Variants in ADAM28 observed in about 807,000 individuals in gnomAD.
ADAM28 encodes the protein ADAM metallopeptidase domain 28.
In ADAM28, 105 loss-of-function variants were observed where a neutral mutation model predicts 101.2. The ratio of observed to expected loss-of-function variants is 1.04; its 90% CI spans 0.89 to 1.22. The LOEUF (loss-of-function observed/expected upper bound fraction) is 1.22. ADAM28 is among the 50% of genes most tolerant of loss of function. The probability of loss-of-function intolerance (pLI) is 0.00; values close to 1 mark genes in which losing one functional copy is unlikely to be tolerated. For missense variants in ADAM28, 1,028 were observed against 945.4 expected, an observed-to-expected ratio of 1.09 and a Z score of -1.15; for synonymous variants, 322 against 310.6, an observed-to-expected ratio of 1.04 and a Z score of -0.39.
chr8:24,309,790 C>G, intron 2 of ADAM28, 104 bp from the exon 3 acceptor site: 1 of 850,402 alleles, frequency 1.2e-6, no homozygotes, highest in Non-Finnish European at 1.9e-6. Context: ...TGGTATTATA[C>G]TGCTAAAAAA....
chr8:24,338,855 T>C (rs1394898813), intron 14 of ADAM28, among the ~76,000 whole-genome samples: 1 of 152,152 alleles, frequency 6.6e-6, no homozygotes, highest in Non-Finnish European at 1.5e-5. Context: ...TAAGAATGGC[T>C]AGTATTTGTC....
rs1252662635 is a variant in ADAM28, at chr8:24,311,410, C to T, written c.356C>T (p.Ala119Val). ...ATTCTTAATGAAAAGGTTTCTGACGCTAGCATCAGCACATGTAGGGGTCTA... is the reference window on the plus strand; with the variant it reads ...ATTCTTAATGAAAAGGTTTCTGACGTTAGCATCAGCACATGTAGGGGTCTA... ...GHILNEKVSDASISTCRGLRG... is the reference protein window; with the variant it reads ...GHILNEKVSDVSISTCRGLRG... Residue 119 changes from alanine to valine, a missense_variant, in exon 5 of 23, where the codon GCT (alanine) becomes GTT (valine). Transcript: ENST00000265769. 8 of 1,613,120 alleles carry T rather than the reference C, an allele frequency of 5.0e-6. No homozygotes were observed. In the South Asian group the frequency reaches 7.7e-5, roughly 16 times the overall value.
At chr8:24,353,401 G>A (rs1816399040) in intron 21 of ADAM28, among the ~76,000 whole-genome samples, 1 of 146,916 alleles carries the variant, frequency 6.8e-6, no homozygotes, top group African/African-American at 2.5e-5. Context: ...TTCTGCTGTG[G>A]GTAAATGAGA....
In ADAM28 at chr8:24,294,160, G is replaced by T. The variant is rs1009448084; in HGVS notation, c.11G>T (p.Gly4Val). Residue 4 changes from glycine (G) to valine (V), a missense_variant, in exon 1 of 23, where the codon GGT (glycine) becomes GTT (valine). By Grantham distance (109) the Gly-to-Val change is moderately radical (BLOSUM62 -3). Coordinates refer to ENST00000265769, the MANE Select transcript of ADAM28 (RefSeq NM_014265.6). ...CTGGAATCACCCAGCATGTTGCAAG[G>T]TCTCCTGCCAGTCAGTCTCCTCCTC... is the stretch of plus-strand genomic sequence containing the variant. Reference protein sequence around the residue: MLQGLLPVSLLLSV... With the variant: MLQVLLPVSLLLSV... 11 of 1,614,118 alleles carry T rather than the reference G, an allele frequency of 6.8e-6. 1 individual carries two copies. The highest frequency in any genetic ancestry group is 4.4e-5 in the South Asian group (4 of 91,078).
chr8:24,327,582 A>G (rs1262455224), intron 10 of ADAM28, among the ~76,000 whole-genome samples: 1 of 152,170 alleles, frequency 6.6e-6, no homozygotes, highest in African/African-American at 2.4e-5. Context: ...TAGCAAAGAC[A>G]ATCCTAAGAA....
At chr8:24,338,556 A>T (rs1000042342) in intron 14 of ADAM28, among the ~76,000 whole-genome samples, 4 of 150,452 alleles carry the variant, frequency 2.7e-5, no homozygotes, top group African/African-American at 9.8e-5. Context: ...AAACATGAAT[A>T]CATTTTACTA....
Position 24,309,968 on chromosome 8 carries a change from C to G in ADAM28, c.225C>G (p.Asn75Lys), listed in dbSNP as rs143894843. The G allele has an allele frequency of 6.5e-6, 10 of 1,548,746 alleles. No individual in the cohort carries two copies. Among genetic ancestry groups the G allele is most frequent in the Non-Finnish European group, 7.1e-6 (8 of 1,123,990 alleles). ...TTGCAGTGCTTTATTTGAAAAAAAA[C>G]AAGTAAGTATCTTTACCTGTGATAT... ...GKIAVLYLKK[N>K]KNLLAPGYTE... is the part of the protein sequence containing the mutation. The change falls in exon 3 of 23, where the codon AAC (asparagine) becomes AAG (lysine). Residue 75 changes from asparagine to lysine, a missense_variant and splice_region_variant. Physicochemically the swap from Asn to Lys is moderately conservative, Grantham distance 94. Coordinates refer to ENST00000265769, the MANE Select transcript of ADAM28 (RefSeq NM_014265.6).
At chr8:24,334,148 A>T (rs1052246768) in intron 13 of ADAM28, among the ~76,000 whole-genome samples, 13 of 152,302 alleles carry the variant, frequency 8.5e-5, no homozygotes, top group Non-Finnish European at 8.8e-5. Context: ...CCAGTTTCTT[A>T]CTATTTAGAG....
At chr8:24,333,119 T>C (rs1410165290) in intron 13 of ADAM28, among the ~76,000 whole-genome samples, 1 of 152,130 alleles carries the variant, frequency 6.6e-6, no homozygotes, top group African/African-American at 2.4e-5. Context: ...TCCAAAAACG[T>C]TGAATACACG....
intron 2 of ADAM28, among the ~76,000 whole-genome samples, chr8:24,302,770 CT>C (rs201514407): frequency 2.6e-5 from 4 of 151,974 alleles, no homozygotes; most frequent in African/African-American, 7.3e-5. Context: ...CCTTTGTCCA[CT>C]TTTTTTTAAA....
chr8:24,313,680 T>TAGTA, intron 6 of ADAM28, 100 bp downstream of exon 6: 1 of 1,216,688 alleles, frequency 8.2e-7, no homozygotes, highest in East Asian at 2.4e-5. Flanking sequence ...TTGTCAAAAT[T>TAGTA]AGTAAGTTAT....
At chr8:24,338,604 C>G (rs1390761140) in intron 14 of ADAM28, among the ~76,000 whole-genome samples, 1 of 152,120 alleles carries the variant, frequency 6.6e-6, no homozygotes, top group Non-Finnish European at 1.5e-5. Flanking sequence ...CTCATTTTAT[C>G]TTACACATTG....
chr8:24,342,272 A>T (rs1362386873), intron 16 of ADAM28, among the ~76,000 whole-genome samples: 6 of 152,188 alleles, frequency 3.9e-5, no homozygotes, highest in Admixed American at 3.3e-4. Flanking sequence ...TTATATATTC[A>T]CTAAGATATC....
chr8:24,351,638 A>AAAAT (rs1251985111), intron 20 of ADAM28: 2 of 471,746 alleles, frequency 4.2e-6, no homozygotes, highest in Non-Finnish European at 7.7e-6. Flanking sequence ...GCAAATTGAC[A>AAAAT]AAATAGATAC....
chr8:24,341,749 G>T lies in ADAM28; in HGVS notation c.1822G>T (p.Asp608Tyr), dbSNP rs1288762925. The T allele has an allele frequency of 6.2e-7, 1 of 1,613,480 alleles. No homozygotes were observed. The highest frequency in any genetic ancestry group is 8.5e-7 in the Non-Finnish European group (1 of 1,179,660). ...GMVANGTKCG[D>Y]NKVCINAECV... is the part of the protein sequence containing the mutation. ...GGTGGCCAATGGAACTAAGTGTGGC[G>T]ATAACAAGGTAAGTTGAAATTGTGG... is the stretch of plus-strand genomic sequence containing the variant. Residue 608 changes from aspartate to tyrosine, a missense_variant, in exon 16 of 23, where the codon GAT becomes TAT. Coordinates refer to ENST00000265769, the MANE Select transcript of ADAM28 (RefSeq NM_014265.6).
intron 2 of ADAM28, among the ~76,000 whole-genome samples, chr8:24,308,270 C>T (rs911180107): frequency 6.6e-6 from 1 of 152,202 alleles, no homozygotes; most frequent in African/African-American, 2.4e-5. Context: ...AAACCTTGCT[C>T]TCCACCAGGG....
chr8:24,322,616 A>C (rs1812032064), intron 8 of ADAM28: 2 of 152,124 alleles, frequency 1.3e-5, no homozygotes, highest in South Asian at 4.1e-4. Flanking sequence ...GAAGGAAGAG[A>C]GATGTAGAGG....
In ADAM28 at chr8:24,354,521, T is replaced by TA; in HGVS notation, c.*119dup. The TA allele has an allele frequency of 7.9e-7, 1 of 1,271,094 alleles. No individual in the cohort carries two copies. The highest frequency in any genetic ancestry group is 1.1e-6 in the Non-Finnish European group (1 of 933,314). The allele number at this position is 1,271,094 out of a possible 1,614,324, so 78.7% of individuals were successfully genotyped here. A position where few individuals can be genotyped will look rare whatever the true frequency, so the allele number is the denominator to read the frequency against. On this transcript the variant is annotated 3_prime_UTR_variant, in exon 23 of 23. Transcript: ENST00000265769. ...GTATTTGCTCTCGACTCAAGAAGGT[T>TA]AACATTTTCTGATTCATGTTAGACT...
chr8:24,342,084 C>T lies in ADAM28; in HGVS notation c.1830+327C>T, dbSNP rs573423645. On this transcript the variant is annotated intron_variant, in intron 16 of 22. Coordinates refer to ENST00000265769, the MANE Select transcript of ADAM28 (RefSeq NM_014265.6). ...GTAGCATCCGTTTAACTTTCATAGA[C>T]GAAGTCTGAAAACTCACTGAAAGTG... Among the ~76,000 whole-genome samples, 12 of 152,234 alleles carry T rather than the reference C, an allele frequency of 7.9e-5. No homozygotes were observed. The South Asian group carries it at 1.4e-3, about 18-fold the overall frequency.
Sources: gnomAD v4.1 joint callset for allele counts (sites outside exome capture counted in the v4.1 genomes callset) on GRCh38, gnomAD v4.1.1 for gene constraint, MANE v1.5 for transcripts, NCBI Gene and HGNC (gene_info 2026-07-23, HGNC 2026-07-21) for gene names.